SLC36A1: variants seen among roughly 807,000 people sequenced by gnomAD.
SLC36A1 encodes the protein proton-coupled amino acid transporter 1.
A neutral mutation model predicts 47.5 loss-of-function variants in SLC36A1; 30 were observed. That is an observed-to-expected ratio of 0.63 (90% CI 0.47 to 0.86). The LOEUF (loss-of-function observed/expected upper bound fraction) is 0.86. SLC36A1 is among the 40% of genes least tolerant of loss of function. The pLI is 0.00. For missense variants in SLC36A1, 517 were observed against 606.0 expected (o/e 0.85, Z 1.54); for synonymous variants, 255 against 249.7 (o/e 1.02, Z -0.20).
the SLC36A1 span, chr5:151,412,701 C>T: frequency 4.2e-5 from 6 of 144,342 alleles, 2 homozygotes; most frequent in Non-Finnish European, 9.2e-5. Context: ...GGAATCGCCA[C>T]GCCTCTGCCC....
At chr5:151,527,436 CCT>C in the SLC36A1 span, 14 of 1,460,170 alleles carry the variant, frequency 9.6e-6, no homozygotes, top group African/African-American at 7.1e-5. Flanking sequence ...ACTTCTGCCC[CCT>C]GAGTCATCAC....
the SLC36A1 span, among the ~76,000 whole-genome samples, chr5:151,395,457 C>T: frequency 6.6e-6 from 1 of 152,224 alleles, no homozygotes; most frequent in East Asian, 1.9e-4. Flanking sequence ...AACCTGGTAC[C>T]TCAGTTGGAA....
the SLC36A1 span, chr5:151,522,194 C>T: frequency 8.2e-6 from 7 of 849,082 alleles, no homozygotes; most frequent in Non-Finnish European, 1.2e-5. Context: ...CCACGCCCAA[C>T]TTGAGGGCTG....
the SLC36A1 span, among the ~76,000 whole-genome samples, chr5:151,344,636 T>C: frequency 6.6e-6 from 1 of 152,132 alleles, no homozygotes; most frequent in African/African-American, 2.4e-5. Flanking sequence ...TTATCCAGGA[T>C]ATATTGGGGA....
chr5:151,544,075 G>A, the SLC36A1 span: 6 of 1,614,160 alleles, frequency 3.7e-6, no homozygotes, highest in Non-Finnish European at 5.1e-6. Flanking sequence ...TTTATCCATG[G>A]CCCTGACTTT....
intron 9 of SLC36A1, among the ~76,000 whole-genome samples, chr5:151,479,016 T>C (rs1211039983): frequency 6.6e-6 from 1 of 152,258 alleles, no homozygotes; most frequent in African/African-American, 2.4e-5. Flanking sequence ...CATACTTTGT[T>C]AAAAGCTATA....
At chr5:151,407,578 T>C in the SLC36A1 span, among the ~76,000 whole-genome samples, 1 of 151,994 alleles carries the variant, frequency 6.6e-6, no homozygotes, top group South Asian at 2.1e-4. Context: ...TTACAATCTT[T>C]TAGCTAGACA....
At chr5:151,483,520 G>GAGT (rs745868506) in intron 10 of SLC36A1, among the ~76,000 whole-genome samples, 4 of 144,658 alleles carry the variant, frequency 2.8e-5, no homozygotes, top group African/African-American at 1.1e-4. Context: ...GTGTGTGTGG[G>GAGT]GGGGGTGATT....
At chr5:151,358,532 G>A in the SLC36A1 span, among the ~76,000 whole-genome samples, 5 of 152,274 alleles carry the variant, frequency 3.3e-5, no homozygotes, top group Admixed American at 1.3e-4. Flanking sequence ...AGGATTACAG[G>A]TTTAGTTTAA....
At chr5:151,467,356 T>C in intron 6 of SLC36A1, 73 bp downstream of exon 6, 1 of 1,099,742 alleles carries the variant, frequency 9.1e-7, no homozygotes, top group Non-Finnish European at 1.3e-6. Flanking sequence ...TTGAAGTTTT[T>C]GTTTAGGATT....
the SLC36A1 span, chr5:151,544,184 C>T: frequency 1.9e-6 from 3 of 1,614,212 alleles, no homozygotes; most frequent in African/African-American, 1.3e-5. Context: ...ACATCTGAGC[C>T]ATCCTCCACA....
the SLC36A1 span, chr5:151,381,076 C>A: frequency 2.2e-6 from 1 of 462,260 alleles, no homozygotes; most frequent in South Asian, 2.0e-5. Context: ...CCTTGAGGCA[C>A]CAGCCACACG....
chr5:151,404,690 A>G, the SLC36A1 span, among the ~76,000 whole-genome samples: 8 of 152,194 alleles, frequency 5.3e-5, no homozygotes, highest in Non-Finnish European at 1.2e-4. Context: ...GTGGAATATG[A>G]AATTCTTGGT....
At chr5:151,463,455 T>G in intron 2 of SLC36A1, 98 bp from the exon 3 acceptor site, 1 of 889,428 alleles carries the variant, frequency 1.1e-6, no homozygotes, top group Non-Finnish European at 1.9e-6. Flanking sequence ...CTTACAGGGT[T>G]GTTGTGGAAA....
At chr5:151,544,175 C>T in the SLC36A1 span, 5 of 1,614,190 alleles carry the variant, frequency 3.1e-6, no homozygotes, top group Middle Eastern at 1.6e-4. Context: ...AACTTGGAAA[C>T]ATCTGAGCCA....
At chr5:151,510,269 G>C in the SLC36A1 span, 3 of 1,388,996 alleles carry the variant, frequency 2.2e-6, no homozygotes, top group African/African-American at 2.9e-5. Context: ...CAGCCGTTCA[G>C]TTACCATTTA....
At chr5:151,353,385 G>A in the SLC36A1 span, among the ~76,000 whole-genome samples, 1 of 152,158 alleles carries the variant, frequency 6.6e-6, no homozygotes, top group Non-Finnish European at 1.5e-5. Context: ...AAAACCTAAT[G>A]TTGTCTTTAA....
the SLC36A1 span, chr5:151,525,781 T>G: frequency 6.2e-7 from 1 of 1,614,088 alleles, no homozygotes; most frequent in Non-Finnish European, 8.5e-7. Flanking sequence ...GATCTGAAGC[T>G]GATACCATTC....
downstream of SLC36A1, among the ~76,000 whole-genome samples, chr5:151,492,678 A>G (rs910057292): frequency 7.9e-5 from 12 of 152,236 alleles, no homozygotes; most frequent in Non-Finnish European, 1.5e-4. Flanking sequence ...CATGACAGCC[A>G]GTTTTATATG....
Sources: gnomAD v4.1 joint callset for allele counts (sites outside exome capture counted in the v4.1 genomes callset) on GRCh38, gnomAD v4.1.1 for gene constraint, MANE v1.5 for transcripts, NCBI Gene and HGNC (gene_info 2026-07-23, HGNC 2026-07-21) for gene names.